The following NRG1 variants were observed in gnomAD, a reference collection of about 807,000 sequenced individuals.
NRG1 encodes the protein pro-neuregulin-1, membrane-bound isoform.
NRG1 carries 18 observed loss-of-function variants against 63.8 expected under a neutral mutation model. The observed-to-expected ratio is 0.28, with a 90% confidence interval of 0.19 to 0.42. NRG1 has a LOEUF of 0.42. NRG1 is among the 10% of genes least tolerant of loss of function. NRG1 has a pLI of 1.00. For synonymous variants in NRG1, 302 were observed against 301.3 expected, an observed-to-expected ratio of 1.00 and a Z score of -0.02; for missense variants, 762 against 814.7, an observed-to-expected ratio of 0.94 and a Z score of 0.79.
chr8:32,456,299 A>T (rs1821589077), intron 1 of NRG1, among the ~76,000 whole-genome samples: 1 of 152,306 alleles, frequency 6.6e-6, no homozygotes, highest in African/African-American at 2.4e-5. Flanking sequence ...TATGGTCTTG[A>T]TAATTAGCAC....
At chr8:32,135,079 G>T (rs1835334208) in intron 1 of NRG1, among the ~76,000 whole-genome samples, 1 of 152,132 alleles carries the variant, frequency 6.6e-6, no homozygotes, top group Non-Finnish European at 1.5e-5. Flanking sequence ...GCTAAAGTCA[G>T]CATGAACCTC....
intron 1 of NRG1, among the ~76,000 whole-genome samples, chr8:32,280,709 TTTTTTCAGATAAACCATGAATCACA>T (rs1852656438): frequency 6.9e-6 from 1 of 143,892 alleles, no homozygotes; most frequent in Non-Finnish European, 1.5e-5. Context: ...TTTTTTTTTT[TTTTTTCAGATAAACCATGAATCACA>T]TTTTATTTAT....
chr8:32,137,216 C>T (rs1024502828), intron 1 of NRG1, among the ~76,000 whole-genome samples: 10 of 151,972 alleles, frequency 6.6e-5, no homozygotes, highest in East Asian at 1.9e-4. Flanking sequence ...GAGGCCGAGG[C>T]GGGTGGATCA....
chr8:32,045,891 A>T (rs965529339), intron 1 of NRG1, among the ~76,000 whole-genome samples: 11 of 152,132 alleles, frequency 7.2e-5, no homozygotes, highest in Non-Finnish European at 1.2e-4. Flanking sequence ...TTAGGGAGTG[A>T]GTTTGGGCAT....
chr8:32,172,649 C>A (rs918118673), intron 1 of NRG1, among the ~76,000 whole-genome samples: 5 of 152,038 alleles, frequency 3.3e-5, no homozygotes, highest in African/African-American at 1.2e-4. Flanking sequence ...CCTTAAAGGA[C>A]CTGATGGAGC....
intron 2 of NRG1, among the ~76,000 whole-genome samples, chr8:32,597,248 T>G (rs530476790): frequency 1.3e-5 from 2 of 152,248 alleles, no homozygotes; most frequent in South Asian, 4.2e-4. Context: ...ATACTTTGAT[T>G]TTATAGGACA....
chr8:32,384,632 T>C (rs1810753699), intron 1 of NRG1, among the ~76,000 whole-genome samples: 1 of 152,218 alleles, frequency 6.6e-6, no homozygotes, highest in Non-Finnish European at 1.5e-5. Flanking sequence ...GGTTCACATA[T>C]GAAGATGTCT....
intron 1 of NRG1, among the ~76,000 whole-genome samples, chr8:32,079,021 C>T (rs1316460627): frequency 2.0e-5 from 3 of 152,098 alleles, no homozygotes; most frequent in African/African-American, 7.2e-5. Flanking sequence ...TAACATTTTT[C>T]CTGTTGCTTA....
intron 1 of NRG1, among the ~76,000 whole-genome samples, chr8:31,884,955 T>G (rs1830611687): frequency 6.6e-6 from 1 of 152,162 alleles, no homozygotes; most frequent in African/African-American, 2.4e-5. Flanking sequence ...TATGGCTTTG[T>G]AAAAATGCAC....
chr8:32,577,996 CTTGT>C (rs1327051687), intron 1 of NRG1, among the ~76,000 whole-genome samples: 1 of 151,886 alleles, frequency 6.6e-6, no homozygotes, highest in Non-Finnish European at 1.5e-5. Context: ...TTTTTGTTTG[CTTGT>C]TTGTTTGTTT....
At chr8:32,624,019 A>C (rs1288733405) in intron 5 of NRG1, among the ~76,000 whole-genome samples, 1 of 152,214 alleles carries the variant, frequency 6.6e-6, no homozygotes, top group Non-Finnish European at 1.5e-5. Context: ...CTTGCATCAT[A>C]CTTTACATTT....
chr8:32,437,246 G>T (rs1207493716), intron 1 of NRG1, among the ~76,000 whole-genome samples: 1 of 151,990 alleles, frequency 6.6e-6, no homozygotes, highest in Non-Finnish European at 1.5e-5. Flanking sequence ...CATTCCCGCA[G>T]CTTCCCCCAA....
At chr8:32,168,665 A>T (rs1366870617) in intron 1 of NRG1, among the ~76,000 whole-genome samples, 1 of 152,162 alleles carries the variant, frequency 6.6e-6, no homozygotes, top group Non-Finnish European at 1.5e-5. Flanking sequence ...TAAAACATAA[A>T]ATCCATGAAG....
chr8:32,743,279 A>G (rs1018641471), intron 7 of NRG1: 56 of 944,674 alleles, frequency 5.9e-5, no homozygotes, highest in Non-Finnish European at 6.7e-5. Flanking sequence ...CATTTTTTTA[A>G]AAAAGCATCA....
chr8:31,856,376 C>G (rs557704308), intron 1 of NRG1, among the ~76,000 whole-genome samples: 4 of 152,332 alleles, frequency 2.6e-5, no homozygotes, highest in African/African-American at 9.6e-5. Context: ...TCTTCCATCG[C>G]TGATACCCTT....
At chr8:32,064,334 G>A (rs1824389123) in intron 1 of NRG1, among the ~76,000 whole-genome samples, 1 of 152,140 alleles carries the variant, frequency 6.6e-6, no homozygotes, top group Non-Finnish European at 1.5e-5. Context: ...CAGGGAGTTA[G>A]GGCAGACTAC....
intron 1 of NRG1, among the ~76,000 whole-genome samples, chr8:31,655,566 C>A (rs1478142346): frequency 1.3e-5 from 2 of 152,164 alleles, no homozygotes; most frequent in Non-Finnish European, 2.9e-5. Context: ...AAGTAAGGAA[C>A]AATCAGACGA....
At chr8:31,917,371 T>C (rs1017381504) in intron 1 of NRG1, among the ~76,000 whole-genome samples, 2 of 150,816 alleles carry the variant, frequency 1.3e-5, no homozygotes, top group African/African-American at 4.9e-5. Flanking sequence ...CCATCTTGAA[T>C]TGATTTTTGT....
At chr8:32,393,742 G>A (rs904087235) in intron 1 of NRG1, among the ~76,000 whole-genome samples, 1 of 152,126 alleles carries the variant, frequency 6.6e-6, no homozygotes, top group South Asian at 2.1e-4. Context: ...AGGGTGGAGG[G>A]TGGGAGGAGG....
Sources: gnomAD v4.1 joint callset for allele counts (sites outside exome capture counted in the v4.1 genomes callset) on GRCh38, gnomAD v4.1.1 for gene constraint, MANE v1.5 for transcripts, NCBI Gene and HGNC (gene_info 2026-07-23, HGNC 2026-07-21) for gene names.